The following EPB41L3 variants were observed in gnomAD, a reference collection of about 807,000 sequenced individuals.
The protein encoded by EPB41L3 is band 4.1-like protein 3.
A neutral mutation model predicts 127.1 loss-of-function variants in EPB41L3; 57 were observed. The ratio of observed to expected loss-of-function variants is 0.45; its 90% CI spans 0.36 to 0.56. EPB41L3 has a LOEUF of 0.56. EPB41L3 is among the 20% of genes least tolerant of loss of function. The probability of loss-of-function intolerance (pLI) is 0.00; values close to 1 mark genes in which losing one functional copy is unlikely to be tolerated. For synonymous variants in EPB41L3, 572 were observed against 549.5 expected (o/e 1.04, Z -0.57); for missense variants, 1,273 against 1,372.2 (o/e 0.93, Z 1.14).
rs368752856 is a variant in EPB41L3, at chr18:5,395,080, A to G, written c.3140T>C (p.Ile1047Thr). Residue 1047 changes from isoleucine to threonine, a missense_variant, in exon 21 of 23, where the codon ATT becomes ACT. By Grantham distance (89) the Ile-to-Thr change is moderately conservative. This residue lies in a region of EPB41L3 where 765 missense variants were observed against 782.9 expected (regional missense o/e 0.98). Transcript: ENST00000341928. ...KRIVITGDAD[I>T]DHDQALAQAI... ...CACACACACTACCTGGTCATGGTCA[A>G]TGTCTGCATCCCCCGTGATGACTAT... 6.2e-6 allele frequency: 10 copies of G among 1,613,998 alleles called. No homozygotes were observed. The African/African-American group carries it at 6.7e-5, about 11-fold the overall frequency.
chr18:5,415,543 T>C (rs1199726545), intron 13 of EPB41L3, among the ~76,000 whole-genome samples: 2 of 152,178 alleles, frequency 1.3e-5, no homozygotes, highest in Non-Finnish European at 2.9e-5. Context: ...ACGGGTTATA[T>C]AAAATTGACT....
chr18:5,428,754 G>A (rs542470118), intron 8 of EPB41L3, among the ~76,000 whole-genome samples: 1 of 152,298 alleles, frequency 6.6e-6, no homozygotes, highest in Admixed American at 6.5e-5. Context: ...GTTAATAACG[G>A]TAATAATAGT....
rs573230870 is a variant in EPB41L3 at position 5,404,851 on chromosome 18, G to A, written c.2349+1926C>T. 2.1e-4 allele frequency among the ~76,000 whole-genome samples: 32 copies of A among 152,262 alleles called. No individual in the cohort carries two copies. In the South Asian group the frequency reaches 2.5e-3, roughly 12 times the overall value. On this transcript the variant is annotated intron_variant, in intron 16 of 22. Coordinates refer to ENST00000341928, the MANE Select transcript of EPB41L3 (RefSeq NM_012307.5). ...TAGAGCCAGTAAATTATTTCCAAAA[G>A]AGGTAGTAGAAATAGGATAAGCCAA... is the stretch of plus-strand genomic sequence containing the variant.
chr18:5,509,162 C>T (rs1167664217), intron 1 of EPB41L3, among the ~76,000 whole-genome samples: 2 of 152,212 alleles, frequency 1.3e-5, no homozygotes, highest in East Asian at 1.9e-4. Flanking sequence ...CAGAAAAGAG[C>T]TCCTTTCAGG....
At chr18:5,606,858 T>G (rs371001990) in intron 3 of EPB41L3, among the ~76,000 whole-genome samples, 2 of 150,988 alleles carry the variant, frequency 1.3e-5, no homozygotes, top group African/African-American at 4.9e-5. Flanking sequence ...ACACAGTCCC[T>G]AACACCTGCC....
intron 5 of EPB41L3, among the ~76,000 whole-genome samples, chr18:5,438,624 T>A (rs1156515232): frequency 9.2e-5 from 14 of 152,266 alleles, no homozygotes; most frequent in African/African-American, 2.9e-4. Flanking sequence ...CAGTGAACAG[T>A]GTTCTAGTAA....
At chr18:5,597,073 G>T (rs1372618773) in intron 3 of EPB41L3, among the ~76,000 whole-genome samples, 1 of 152,044 alleles carries the variant, frequency 6.6e-6, no homozygotes, top group Non-Finnish European at 1.5e-5. Context: ...AGAAGGAAAA[G>T]GAAGAAAAGG....
Position 5,424,377 on chromosome 18 carries a change from C to G in EPB41L3, c.1066-18G>C, listed in dbSNP as rs372529588. ...TGTTCAAACTAAATAAAAAAAAATA[C>G]ATTGAAGAGTAAAGTTTAAAATTAT... On this transcript the variant is annotated intron_variant, in intron 9 of 22. Transcript: ENST00000341928. The G allele has an allele frequency of 1.5e-5, 23 of 1,547,686 alleles. No homozygotes were observed. In the African/African-American group the frequency reaches 3.1e-4, roughly 21 times the overall value.
chr18:5,601,824 T>C (rs2094595071), intron 3 of EPB41L3, among the ~76,000 whole-genome samples: 1 of 152,224 alleles, frequency 6.6e-6, no homozygotes, highest in Admixed American at 6.5e-5. Flanking sequence ...GTTTTTCCTT[T>C]GCAAACTAAT....
At chr18:5,544,349 A>G (rs984542990), upstream of EPB41L3, 25 of 983,486 alleles carry the variant, frequency 2.5e-5, no homozygotes, top group Non-Finnish European at 2.8e-5. Flanking sequence ...CCTGTGAGAA[A>G]GGAGGGAGAG....
chr18:5,544,391 T>C, upstream of EPB41L3: 8 of 891,400 alleles, frequency 9.0e-6, no homozygotes, highest in Non-Finnish European at 1.1e-5. Flanking sequence ...AGTTATTTAT[T>C]GGCTAGGGAC....
intron 1 of EPB41L3, chr18:5,628,784 C>A (rs995787415): frequency 6.6e-6 from 1 of 151,768 alleles, no homozygotes; most frequent in Non-Finnish European, 1.5e-5. Flanking sequence ...TCACCGAGCC[C>A]TGCGGACCCC....
intron 3 of EPB41L3, among the ~76,000 whole-genome samples, chr18:5,608,392 C>G (rs1402887939): frequency 6.6e-6 from 1 of 152,032 alleles, no homozygotes; most frequent in Non-Finnish European, 1.5e-5. Context: ...ATGAGAAGAC[C>G]CCTCAACAGA....
chr18:5,531,713 C>A, intron 1 of EPB41L3, among the ~76,000 whole-genome samples: 1 of 103,444 alleles, frequency 9.7e-6, no homozygotes, highest in South Asian at 3.1e-4. Flanking sequence ...GCCTATACAA[C>A]AGAACAAGAC....
At chr18:5,501,946 T>G (rs2091780239) in intron 1 of EPB41L3, among the ~76,000 whole-genome samples, 1 of 152,190 alleles carries the variant, frequency 6.6e-6, no homozygotes, top group Non-Finnish European at 1.5e-5. Context: ...ACTGTGGGCC[T>G]GTAGCACTGA....
intron 3 of EPB41L3, among the ~76,000 whole-genome samples, chr18:5,550,306 A>C (rs961154588): frequency 6.6e-6 from 1 of 152,224 alleles, no homozygotes; most frequent in African/African-American, 2.4e-5. Context: ...AAATTAAATA[A>C]GGAAACTGAC....
intron 3 of EPB41L3, among the ~76,000 whole-genome samples, chr18:5,608,515 A>G (rs981268216): frequency 1.3e-5 from 2 of 152,088 alleles, no homozygotes; most frequent in Non-Finnish European, 2.9e-5. Context: ...GCACTTCGCT[A>G]TTTTTAGGAT....
At chr18:5,490,241 C>T (rs575059211) in intron 1 of EPB41L3, among the ~76,000 whole-genome samples, 4 of 152,152 alleles carry the variant, frequency 2.6e-5, no homozygotes, top group Non-Finnish European at 5.9e-5. Flanking sequence ...GTAAGTATCT[C>T]AAGTACAAAT....
chr18:5,414,037 T>G (rs1181128338), intron 13 of EPB41L3, among the ~76,000 whole-genome samples: 1 of 152,194 alleles, frequency 6.6e-6, no homozygotes, highest in East Asian at 1.9e-4. Flanking sequence ...AAATATTTAT[T>G]TTGAATTTAG....
Sources: allele counts gnomAD v4.1 joint callset (sites outside exome capture counted in the v4.1 genomes callset), GRCh38; gene constraint gnomAD v4.1.1; regional missense constraint gnomAD v4.1.1; transcripts MANE v1.5; gene names NCBI Gene and HGNC (gene_info 2026-07-23, HGNC 2026-07-21).